The following MFSD1 variants were observed in gnomAD, a reference collection of about 807,000 sequenced individuals.
The protein encoded by MFSD1 is major facilitator superfamily domain containing 1.
MFSD1 carries 59 observed loss-of-function variants against 67.1 expected under a neutral mutation model. The observed-to-expected ratio is 0.88, with a 90% CI of 0.71 to 1.09. The LOEUF (loss-of-function observed/expected upper bound fraction) is 1.09. MFSD1 is among the 50% of genes least tolerant of loss of function. MFSD1 has a pLI of 0.00. For synonymous variants in MFSD1, 213 were observed against 200.3 expected (o/e 1.06, Z -0.54); for missense variants, 552 against 566.1 (o/e 0.97, Z 0.25).
At chr3:158,826,660 GT>G (rs965286261) in intron 14 of MFSD1, among the ~76,000 whole-genome samples, 21 of 146,202 alleles carry the variant, frequency 1.4e-4, no homozygotes, top group African/African-American at 4.3e-4. Context: ...TATTTTAATA[GT>G]TTTTTTTTTC....
At chr3:158,823,371 GAAAA>G (rs1316975213) in intron 11 of MFSD1, 53 bp from the exon 12 acceptor site, 10 of 1,218,958 alleles carry the variant, frequency 8.2e-6, no homozygotes, top group African/African-American at 1.5e-5. Context: ...TGCATTAAAG[GAAAA>G]TCACCTTTTG....
At chr3:158,804,079 TGTTG>T (rs1729590196) in intron 1 of MFSD1, among the ~76,000 whole-genome samples, 2 of 152,206 alleles carry the variant, frequency 1.3e-5, no homozygotes, top group Non-Finnish European at 2.9e-5. Context: ...AATATTTAAT[TGTTG>T]GTTGTTGACT....
intron 15 of MFSD1, among the ~76,000 whole-genome samples, chr3:158,827,919 AGAGAGAGAGAGAGAGAGAGAGAGGGG>A (rs767645648): frequency 0.24 from 19,340 of 80,026 alleles, 1,891 homozygotes; most frequent in Middle Eastern, 0.38. Flanking sequence ...AGAGGGGGAG[AGAGAGAGAGAGAGAGAGAGAGAGGGG>A]GAGAGAGAGA....
At chr3:158,816,168 C>T (rs1730330551) in intron 7 of MFSD1, among the ~76,000 whole-genome samples, 1 of 152,008 alleles carries the variant, frequency 6.6e-6, no homozygotes, top group South Asian at 2.1e-4. Context: ...GGTATATACC[C>T]AGTAATGGGA....
At chr3:158,811,743 C>T (rs922143179) in intron 6 of MFSD1, among the ~76,000 whole-genome samples, 2 of 152,194 alleles carry the variant, frequency 1.3e-5, no homozygotes, top group African/African-American at 4.8e-5. Context: ...TACATGCCTT[C>T]AACAATGTTC....
intron 11 of MFSD1, chr3:158,823,118 C>T (rs1196221887): frequency 2.2e-5 from 6 of 275,798 alleles, no homozygotes; most frequent in Admixed American, 4.4e-5. Flanking sequence ...TTGGTAAGAA[C>T]TTTTTAAAAA....
chr3:158,827,926 G>GAT (rs1731080478), intron 15 of MFSD1, among the ~76,000 whole-genome samples: 2 of 79,296 alleles, frequency 2.5e-5, no homozygotes, highest in Admixed American at 1.1e-4. Flanking sequence ...GAGAGAGAGA[G>GAT]AGAGAGAGAG....
chr3:158,816,711 A>C (rs1730370009), intron 7 of MFSD1, among the ~76,000 whole-genome samples: 1 of 151,486 alleles, frequency 6.6e-6, no homozygotes, highest in African/African-American at 2.4e-5. Context: ...TGTTTTAGAC[A>C]TGAAGTCCTT....
At chr3:158,812,687 G>A (rs1730093199) in intron 6 of MFSD1, among the ~76,000 whole-genome samples, 1 of 152,182 alleles carries the variant, frequency 6.6e-6, no homozygotes, top group Non-Finnish European at 1.5e-5. Flanking sequence ...GATAGAGTGA[G>A]TCTGCCAGTA....
chr3:158,816,910 C>G (rs1730384617), intron 7 of MFSD1, among the ~76,000 whole-genome samples: 1 of 150,744 alleles, frequency 6.6e-6, no homozygotes, highest in African/African-American at 2.5e-5. Context: ...AATAGGGAAT[C>G]CTTTCCCCAT....
intron 9 of MFSD1, 86 bp downstream of exon 9, chr3:158,820,412 T>A: frequency 1.1e-6 from 1 of 870,174 alleles, no homozygotes; most frequent in South Asian, 1.5e-5. Context: ...AAGCAGTAAA[T>A]CTTGCTTCTC....
At chr3:158,810,567 A>G (rs1165137509) in intron 6 of MFSD1, among the ~76,000 whole-genome samples, 1 of 152,166 alleles carries the variant, frequency 6.6e-6, no homozygotes, top group Non-Finnish European at 1.5e-5. Flanking sequence ...CACTCTCGCT[A>G]TGAAAGTTCT....
chr3:158,821,254 A>AC, intron 9 of MFSD1, among the ~76,000 whole-genome samples: 1 of 152,252 alleles, frequency 6.6e-6, no homozygotes, highest in East Asian at 1.9e-4. Flanking sequence ...TCAGACAAGA[A>AC]CCCTGTTTAT....
chr3:158,829,049 A>C lies in MFSD1; in HGVS notation c.*67A>C. The C allele has an allele frequency of 6.7e-7, 1 of 1,482,418 alleles. No homozygotes were observed. 91.8% of individuals were successfully genotyped at this position (1,482,418 alleles called of 1,614,324 possible). A position where few individuals can be genotyped will look rare whatever the true frequency, so the allele number is the denominator to read the frequency against. On this transcript the variant is annotated 3_prime_UTR_variant, in exon 16 of 16. Transcript: ENST00000415822. ...CGTTGGTTTGAAAACTTCCATTTTT[A>C]AAAATTTAGAGTTTAGTCATTAGAA... is the stretch of plus-strand genomic sequence containing the variant.
At chr3:158,807,179 G>A (rs1576898062) in intron 4 of MFSD1, 97 bp downstream of exon 4, 2 of 1,168,576 alleles carry the variant, frequency 1.7e-6, no homozygotes, top group South Asian at 2.6e-5. Context: ...TTAATGCCTA[G>A]CTTAATTAAG....
chr3:158,825,937 T>G, intron 13 of MFSD1, 78 bp from the exon 14 acceptor site: 1 of 1,116,484 alleles, frequency 9.0e-7, no homozygotes, highest in Non-Finnish European at 1.4e-6. Context: ...GTCTAAGCTT[T>G]GCTTTGTGAT....
chr3:158,812,143 T>C (rs1730054328), intron 6 of MFSD1, among the ~76,000 whole-genome samples: 2 of 152,158 alleles, frequency 1.3e-5, no homozygotes, highest in Admixed American at 6.5e-5. Context: ...GCACTGAAGG[T>C]ATATGGTATA....
chr3:158,806,988 AT>A (rs144690577), intron 3 of MFSD1, 51 bp from the exon 4 acceptor site: 704 of 1,420,454 alleles, frequency 5.0e-4, no homozygotes, highest in Non-Finnish European at 5.5e-4. Flanking sequence ...AGAAATTAAG[AT>A]TTTTTTTTTC....
rs1730242611 is a variant in MFSD1, at chr3:158,814,951, A to G, written c.652+884A>G. 3.3e-5 allele frequency among the ~76,000 whole-genome samples: 5 copies of G among 152,018 alleles called. No homozygotes were observed. The South Asian group carries it at 1.0e-3, about 32-fold the overall frequency. ...ACAAAAATTAGCTGGGCGTGGTGGC[A>G]CATGCCTGTAATCCCAGCTACCCGG... On this transcript the variant is annotated intron_variant, in intron 7 of 15. Transcript: ENST00000415822.
Sources: allele counts gnomAD v4.1 joint callset (sites outside exome capture counted in the v4.1 genomes callset), GRCh38; gene constraint gnomAD v4.1.1; transcripts MANE v1.5; gene names NCBI Gene and HGNC (gene_info 2026-07-23, HGNC 2026-07-21).